ATP2C1: variants seen among roughly 807,000 people sequenced by gnomAD.
The protein encoded by ATP2C1 is ATPase secretory pathway Ca2+ transporting 1.
In ATP2C1, 31 loss-of-function variants were observed where a neutral mutation model predicts 120.5. That is an observed-to-expected ratio of 0.26 (90% confidence interval 0.19 to 0.35). The LOEUF (loss-of-function observed/expected upper bound fraction) is 0.35, where lower values mean the gene tolerates loss of function less well. Ranked by LOEUF, ATP2C1 falls within the 10% of genes least tolerant of loss-of-function variation. ATP2C1 has a pLI of 1.00. For synonymous variants in ATP2C1, 351 were observed against 358.7 expected (o/e 0.98, Z 0.24); for missense variants, 731 against 1,107.5 (o/e 0.66, Z 4.83).
At chr3:131,006,065 C>A (rs2108997894), downstream of ATP2C1, among the ~76,000 whole-genome samples, 1 of 152,286 alleles carries the variant, frequency 6.6e-6, no homozygotes, top group East Asian at 1.9e-4. Flanking sequence ...CAGCTACTTA[C>A]TCTGAATGAG....
chr3:130,909,994 C>T (rs572230995), intron 2 of ATP2C1, among the ~76,000 whole-genome samples: 3 of 152,184 alleles, frequency 2.0e-5, no homozygotes, highest in African/African-American at 7.2e-5. Flanking sequence ...GCATGAGCCA[C>T]GGCACCCAGC....
chr3:130,971,075 A>G (rs1156767838), intron 17 of ATP2C1, among the ~76,000 whole-genome samples: 1 of 152,220 alleles, frequency 6.6e-6, no homozygotes, highest in Non-Finnish European at 1.5e-5. Flanking sequence ...CATTAAACTT[A>G]GGCGATTTTC....
chr3:130,878,378 G>C (rs2068675754), intron 1 of ATP2C1, among the ~76,000 whole-genome samples: 1 of 152,118 alleles, frequency 6.6e-6, no homozygotes, highest in Admixed American at 6.5e-5. Context: ...GGAATGTTTT[G>C]TGTACCCTTT....
At chr3:130,933,108 G>A (rs1358609238) in intron 4 of ATP2C1, among the ~76,000 whole-genome samples, 1 of 152,110 alleles carries the variant, frequency 6.6e-6, no homozygotes, top group Non-Finnish European at 1.5e-5. Context: ...TTATCCCTAG[G>A]CAGTATGATT....
In ATP2C1 at chr3:131,012,247, G is replaced by GT. The variant is rs201456565; in HGVS notation, c.2630-3900dup. 7.5e-3 allele frequency among the ~76,000 whole-genome samples: 1,049 copies of GT among 140,308 alleles called. 19 individuals are homozygous for GT. Among genetic ancestry groups the GT allele is most frequent in the East Asian group, 0.066 (320 of 4,876 alleles). 92.0% of individuals were successfully genotyped at this position (140,308 alleles called of 152,430 possible). On this transcript the variant is annotated intron_variant, in intron 26 of 26. Coordinates refer to the ATP2C1 transcript ENST00000328560. ...TTTGATATAACAACGGTCTTACATG[G>GT]TTTTTCTTTTTTCTTTTTTTTTTTT...
intron 17 of ATP2C1, among the ~76,000 whole-genome samples, chr3:130,972,032 G>T (rs1194341563): frequency 5.3e-5 from 8 of 152,176 alleles, no homozygotes; most frequent in Non-Finnish European, 1.2e-4. Flanking sequence ...CCAGGGACTG[G>T]TTTCCTGGAA....
intron 12 of ATP2C1, chr3:130,963,736 A>T (rs144578736): frequency 2.0e-6 from 1 of 489,110 alleles, no homozygotes; most frequent in South Asian, 2.1e-5. Context: ...GAAGCCAGGG[A>T]TACAAATCCA....
intron 7 of ATP2C1, 67 bp downstream of exon 7, chr3:130,940,758 G>A (rs1295546738): frequency 1.7e-5 from 20 of 1,161,912 alleles, no homozygotes; most frequent in South Asian, 3.7e-5. Flanking sequence ...GACTAGTACC[G>A]TACATATTGT....
chr3:130,969,341 C>G lies in ATP2C1; in HGVS notation c.1358C>G (p.Pro453Arg). The change falls in exon 17 of 28, where the codon CCT (proline) becomes CGT (arginine). Residue 453 changes from proline (P) to arginine (R), a missense_variant. This residue lies in a region of ATP2C1 where 571 missense variants were observed against 845.9 expected (regional missense o/e 0.67). Transcript: ENST00000510168. Reference sequence around the variant, plus strand: ...GACTACATCAGAAAAGCTGAATACCCTTTTAGCTCTGAGCAAAAGTGGATG... The same window carrying G: ...GACTACATCAGAAAAGCTGAATACCGTTTTAGCTCTGAGCAAAAGTGGATG... The part of the protein sequence containing the change: ...QQDYIRKAEY[P>R]FSSEQKWMAV... 1 of 1,613,920 alleles carries G rather than the reference C, an allele frequency of 6.2e-7. No individual in the cohort carries two copies. Among genetic ancestry groups the G allele is most frequent in the Non-Finnish European group, 8.5e-7 (1 of 1,179,906 alleles).
chr3:130,900,866 A>G (rs572217665), intron 2 of ATP2C1, among the ~76,000 whole-genome samples: 3 of 152,088 alleles, frequency 2.0e-5, no homozygotes, highest in Non-Finnish European at 4.4e-5. Context: ...TGTATATGTT[A>G]TATATGAGAT....
chr3:130,940,830 CT>C, intron 7 of ATP2C1, 139 bp downstream of exon 7: 1 of 673,966 alleles, frequency 1.5e-6, no homozygotes, highest in Non-Finnish European at 2.6e-6. Context: ...AGTTCCTGGT[CT>C]CATTAATGTA....
intron 22 of ATP2C1, among the ~76,000 whole-genome samples, chr3:130,994,592 G>A (rs1319785707): frequency 6.6e-6 from 1 of 152,166 alleles, no homozygotes; most frequent in African/African-American, 2.4e-5. Flanking sequence ...TAAGACTCCA[G>A]TGTAATACAT....
intron 17 of ATP2C1, among the ~76,000 whole-genome samples, chr3:130,973,909 T>C (rs2061435672): frequency 6.6e-6 from 1 of 151,988 alleles, no homozygotes; most frequent in Admixed American, 6.6e-5. Flanking sequence ...TTCTTAGATA[T>C]TGGTGGATAA....
intron 8 of ATP2C1, among the ~76,000 whole-genome samples, chr3:130,948,344 C>CA (rs1391439937): frequency 6.7e-6 from 1 of 150,222 alleles, no homozygotes; most frequent in Non-Finnish European, 1.5e-5. Context: ...TATTGGTTGA[C>CA]AGTTTTTTTT....
At chr3:130,878,840 A>G (rs904825943) in intron 1 of ATP2C1, among the ~76,000 whole-genome samples, 2 of 152,206 alleles carry the variant, frequency 1.3e-5, no homozygotes, top group South Asian at 2.1e-4. Flanking sequence ...CAATGTAACT[A>G]TAATGCATTT....
rs749879416 is a variant in ATP2C1 at position 130,940,905 on chromosome 3, A to ATTTTTTTTTT, written c.422+233_422+242dup. On this transcript the variant is annotated intron_variant, in intron 7 of 27. Transcript: ENST00000510168. ...CTAGAGACATGGATGTATTTAACAG[A>ATTTTTTTTTT]TTTTTTTTTTTTTTTTTTTTTTTTT... Among the ~76,000 whole-genome samples, 18 of 86,114 alleles carry ATTTTTTTTTT rather than the reference A, an allele frequency of 2.1e-4. 1 individual carries two copies. Among genetic ancestry groups the ATTTTTTTTTT allele is most frequent in the African/African-American group, 3.8e-4 (8 of 21,106 alleles). The allele number at this position is 86,114 out of a possible 152,430, so 56.5% of individuals were successfully genotyped here. A position where few individuals can be genotyped will look rare whatever the true frequency, so the allele number is the denominator to read the frequency against.
intron 1 of ATP2C1, among the ~76,000 whole-genome samples, chr3:130,857,618 C>T (rs2067883492): frequency 6.6e-6 from 1 of 152,154 alleles, no homozygotes; most frequent in African/African-American, 2.4e-5. Context: ...ACCACCTAGC[C>T]CCATGCTTAT....
rs750806276 is a variant in ATP2C1, at chr3:131,014,339, T to C, written c.2630-1813T>C. On this transcript the variant is annotated intron_variant, in intron 26 of 26. Transcript: ENST00000328560. The stretch of plus-strand genomic sequence containing the variant: ...TCAGGAGACTTTCTACAGAGGTCGA[T>C]GCTAGCAGTTGCTGGCATAGTCCGT... The C allele has an allele frequency of 2.5e-6, 4 of 1,612,336 alleles. No homozygotes were observed. In the Admixed American group the frequency reaches 6.7e-5, roughly 27 times the overall value.
chr3:130,867,822 C>T (rs1237077951), intron 1 of ATP2C1, among the ~76,000 whole-genome samples: 1 of 133,226 alleles, frequency 7.5e-6, no homozygotes, highest in Non-Finnish European at 1.6e-5. Flanking sequence ...CTCTGCCCGG[C>T]CGCCATCCCA....
Sources: allele counts gnomAD v4.1 joint callset (sites outside exome capture counted in the v4.1 genomes callset), GRCh38; gene constraint gnomAD v4.1.1; regional missense constraint gnomAD v4.1.1; transcripts MANE v1.5; gene names NCBI Gene and HGNC (gene_info 2026-07-23, HGNC 2026-07-21).